Variants in ST8SIA2 observed in about 807,000 individuals in gnomAD.
ST8SIA2 encodes the protein ST8 alpha-N-acetyl-neuraminide alpha-2,8-sialyltransferase 2, also known as alpha-2,8-sialyltransferase 8B.
A neutral mutation model predicts 37.6 loss-of-function variants in ST8SIA2; 22 were observed. The observed-to-expected ratio is 0.58, with a 90% CI of 0.42 to 0.83. The LOEUF (loss-of-function observed/expected upper bound fraction) is 0.83. Ranked by LOEUF, ST8SIA2 falls within the 40% of genes least tolerant of loss-of-function variation. The probability of loss-of-function intolerance (pLI) is 0.00; values close to 1 mark genes in which losing one functional copy is unlikely to be tolerated. For synonymous variants in ST8SIA2, 205 were observed against 201.2 expected (o/e 1.02, Z -0.16); for missense variants, 382 against 484.7 (o/e 0.79, Z 1.99).
rs1337163006 is a variant in ST8SIA2, at chr15:92,410,010, C to T, written c.98+15848C>T. 2.6e-5 allele frequency among the ~76,000 whole-genome samples: 4 copies of T among 152,210 alleles called. 1 individual carries two copies. The highest frequency in any genetic ancestry group is 9.6e-5 in the African/African-American group (4 of 41,454). On this transcript the variant is annotated intron_variant, in intron 1 of 5. Coordinates refer to ENST00000268164, the MANE Select transcript of ST8SIA2 (RefSeq NM_006011.4). The stretch of plus-strand genomic sequence containing the variant: ...GGAATGTGTCTGGAGGTGAGAGTTT[C>T]GGGGTCTGGGCTTTGGTTGTGGATT...
At chr15:92,463,982 C>G in intron 5 of ST8SIA2, 118 bp from the exon 6 acceptor site, 1 of 1,382,512 alleles carries the variant, frequency 7.2e-7, no homozygotes, top group African/African-American at 1.5e-5. Flanking sequence ...GTAGCTTGAT[C>G]GGTCCCTGGA....
intron 1 of ST8SIA2, among the ~76,000 whole-genome samples, chr15:92,396,043 A>ACGCACCC (rs1567207948): frequency 6.6e-6 from 1 of 152,232 alleles, no homozygotes; most frequent in Non-Finnish European, 1.5e-5. Flanking sequence ...CCATATATGT[A>ACGCACCC]CGCACCCCGG....
intron 3 of ST8SIA2, 55 bp from the exon 4 acceptor site, chr15:92,438,298 G>A (rs1170073393): frequency 2.5e-6 from 4 of 1,613,946 alleles, no homozygotes; most frequent in Non-Finnish European, 3.4e-6. Flanking sequence ...AGCTGGGCTG[G>A]CAAAGGGCAG....
intron 5 of ST8SIA2, 133 bp from the exon 6 acceptor site, chr15:92,463,967 G>A (rs1383178232): frequency 7.8e-7 from 1 of 1,277,166 alleles, no homozygotes; most frequent in Non-Finnish European, 1.1e-6. Context: ...GGGAACCAGG[G>A]ATGTGTAGCT....
Position 92,444,721 on chromosome 15 carries a change from C to A in ST8SIA2, c.634C>A (p.Arg212=), listed in dbSNP as rs778789124. Residue 212 remains arginine (R), a synonymous_variant, in exon 5 of 6, where the codon CGG becomes AGG. Transcript: ENST00000268164. ...LVTMNPSVIQ[R]AFEDLVNATW... is the part of the protein sequence containing the mutation. The stretch of plus-strand genomic sequence containing the variant: ...AACCATGAACCCCTCGGTCATCCAG[C>A]GGGCCTTTGAGGACTTGGTCAATGC... 1.2e-6 allele frequency: 2 copies of A among 1,614,088 alleles called. No individual in the cohort carries two copies. The highest frequency in any genetic ancestry group is 1.3e-5 in the African/African-American group (1 of 74,930).
At chr15:92,398,113 G>A (rs6496931) in intron 1 of ST8SIA2, among the ~76,000 whole-genome samples, 59,537 of 151,896 alleles carry the variant, frequency 0.39, 12,031 homozygotes, top group Non-Finnish European at 0.42. Context: ...CAGCCTGGGC[G>A]ACAGAGCGAG....
At chr15:92,413,540 G>A (rs892767292) in intron 1 of ST8SIA2, among the ~76,000 whole-genome samples, 4 of 152,120 alleles carry the variant, frequency 2.6e-5, no homozygotes, top group East Asian at 3.9e-4. Context: ...TCCTCCTCCC[G>A]GCCAGTGGGT....
At chr15:92,397,001 C>T (rs538262898) in intron 1 of ST8SIA2, among the ~76,000 whole-genome samples, 31 of 152,246 alleles carry the variant, frequency 2.0e-4, no homozygotes, top group African/African-American at 7.2e-4. Flanking sequence ...CAACTCACTC[C>T]GGACCTGTGC....
At chr15:92,447,707 C>G (rs966792543) in intron 5 of ST8SIA2, among the ~76,000 whole-genome samples, 1 of 152,144 alleles carries the variant, frequency 6.6e-6, no homozygotes, top group Admixed American at 6.5e-5. Flanking sequence ...ACCCATTGCC[C>G]CCAAGAAAGC....
chr15:92,463,952 G>T (rs761558252), intron 5 of ST8SIA2, 148 bp from the exon 6 acceptor site: 52 of 1,157,234 alleles, frequency 4.5e-5, no homozygotes, highest in Non-Finnish European at 6.0e-5. Flanking sequence ...TCACTCCTCT[G>T]TGGAGGGAAC....
At chr15:92,400,721 C>T (rs1223773510) in intron 1 of ST8SIA2, among the ~76,000 whole-genome samples, 1 of 152,156 alleles carries the variant, frequency 6.6e-6, no homozygotes, top group Non-Finnish European at 1.5e-5. Flanking sequence ...CCCTTTCCAG[C>T]CCTCCACTGC....
intron 1 of ST8SIA2, among the ~76,000 whole-genome samples, chr15:92,397,625 A>G (rs187399104): frequency 6.6e-6 from 1 of 152,332 alleles, no homozygotes; most frequent in East Asian, 1.9e-4. Flanking sequence ...TTTAGATCCA[A>G]TTCGACCAAG....
At chr15:92,451,784 A>G (rs141958918) in intron 5 of ST8SIA2, among the ~76,000 whole-genome samples, 1 of 152,272 alleles carries the variant, frequency 6.6e-6, no homozygotes, top group African/African-American at 2.4e-5. Context: ...TAAAGATAGG[A>G]AAACTGAGCC....
chr15:92,394,876 T>C (rs1485945947), intron 1 of ST8SIA2, among the ~76,000 whole-genome samples: 1 of 152,122 alleles, frequency 6.6e-6, no homozygotes, highest in African/African-American at 2.4e-5. Context: ...ACGGAGACAT[T>C]TCGGGAAAGT....
At chr15:92,422,261 A>G (rs1309435517) in intron 1 of ST8SIA2, 1 of 152,196 alleles carries the variant, frequency 6.6e-6, no homozygotes, top group Non-Finnish European at 1.5e-5. Flanking sequence ...TATGACCTTG[A>G]TGTTCAAGCC....
At chr15:92,407,759 G>C (rs2049519213) in intron 1 of ST8SIA2, among the ~76,000 whole-genome samples, 1 of 152,226 alleles carries the variant, frequency 6.6e-6, no homozygotes, top group Non-Finnish European at 1.5e-5. Context: ...CAGGCTGGAA[G>C]CCAAGAATTT....
intron 5 of ST8SIA2, among the ~76,000 whole-genome samples, chr15:92,449,742 C>T (rs149935653): frequency 6.0e-4 from 91 of 152,316 alleles, no homozygotes; most frequent in African/African-American, 2.1e-3. Context: ...TTGCATTTCT[C>T]TGATGATTCA....
At chr15:92,405,946 T>C (rs1343119953) in intron 1 of ST8SIA2, among the ~76,000 whole-genome samples, 1 of 152,108 alleles carries the variant, frequency 6.6e-6, no homozygotes, top group Non-Finnish European at 1.5e-5. Context: ...GCCAAGACAG[T>C]CCAGACCCCC....
rs565545714 is a variant in ST8SIA2, at chr15:92,406,167, A to T, written c.98+12005A>T. Among the ~76,000 whole-genome samples, 3 of 152,320 alleles carry T rather than the reference A, an allele frequency of 2.0e-5. No homozygotes were observed. The South Asian group carries it at 6.2e-4, about 32-fold the overall frequency. On this transcript the variant is annotated intron_variant, in intron 1 of 5. Coordinates refer to ENST00000268164, the MANE Select transcript of ST8SIA2 (RefSeq NM_006011.4). ...ATAATACCACAGGAAGGAGCAAGTG[A>T]GGTGGATTCCAGGAGGCTTGAGATG...
Sources: gnomAD v4.1 joint callset for allele counts (sites outside exome capture counted in the v4.1 genomes callset) on GRCh38, gnomAD v4.1.1 for gene constraint, MANE v1.5 for transcripts, NCBI Gene and HGNC (gene_info 2026-07-23, HGNC 2026-07-21) for gene names.